RBM6: variants seen among roughly 807,000 people sequenced by gnomAD.
The protein encoded by RBM6 is RNA binding motif protein 6, also known as RNA-binding protein 6.
RBM6 carries 23 observed loss-of-function variants against 140.4 expected under a neutral mutation model. The ratio of observed to expected loss-of-function variants is 0.16; its 90% CI spans 0.12 to 0.23. RBM6 has a LOEUF of 0.23. Ranked by LOEUF, RBM6 falls within the 10% of genes least tolerant of loss-of-function variation. The probability of loss-of-function intolerance (pLI) is 1.00; values close to 1 mark genes in which losing one functional copy is unlikely to be tolerated. For synonymous variants in RBM6, 439 were observed against 475.6 expected (o/e 0.92, Z 1.00); for missense variants, 1,139 against 1,386.7 (o/e 0.82, Z 2.84).
rs2023953 is a variant in RBM6, at chr3:50,066,484, G to A, written c.2925G>A (p.Gln975=). The change falls in exon 17 of 21, where the codon CAG becomes CAA. Residue 975 remains glutamine (Q), a synonymous_variant. Coordinates refer to ENST00000266022, the MANE Select transcript of RBM6 (RefSeq NM_005777.3). ...AAGAAGTTCTGATCAAACACCAGCA[G>A]CTGTCAGACCTGCACAAGGTATTAG... is the stretch of plus-strand genomic sequence containing the variant. ...PNKEVLIKHQ[Q]LSDLHKQNLE... is the part of the protein sequence containing the mutation. 0.1 allele frequency: 162,336 copies of A among 1,613,370 alleles called. 8,518 individuals are homozygous for A. The highest frequency in any genetic ancestry group is 0.12 in the Admixed American group (7,292 of 60,014).
intron 6 of RBM6, among the ~76,000 whole-genome samples, chr3:50,042,078 G>GA: frequency 6.6e-6 from 1 of 152,146 alleles, no homozygotes; most frequent in East Asian, 1.9e-4. Context: ...ATATTGTGAA[G>GA]AATGCCTTTG....
rs771658459 is a variant in RBM6, at chr3:50,057,759, C to T, written c.1725C>T (p.Tyr575=). 6.2e-7 allele frequency: 1 copy of T among 1,612,650 alleles called. No homozygotes were observed. Among genetic ancestry groups the T allele is most frequent in the Non-Finnish European group, 8.5e-7 (1 of 1,179,754 alleles). ...AGGCCAAGCAAGAATTAATAACCTA[C>T]CCTCAGCCTCAGAAAACATCCATAC... ...VTEAKQELIT[Y]PQPQKTSIPA... The change falls in exon 9 of 21, where the codon TAC becomes TAT. Residue 575 remains tyrosine, a synonymous_variant. Transcript: ENST00000266022.
chr3:50,069,216 A>G (rs1046422610), intron 18 of RBM6, among the ~76,000 whole-genome samples: 2 of 152,186 alleles, frequency 1.3e-5, no homozygotes, highest in Non-Finnish European at 2.9e-5. Flanking sequence ...CATGATGGTT[A>G]AGAACCCACC....
At chr3:50,076,871 A>G in intron 20 of RBM6, 137 bp from the exon 21 acceptor site, 1 of 806,264 alleles carries the variant, frequency 1.2e-6, no homozygotes, top group Non-Finnish European at 1.8e-6. Flanking sequence ...GCGACAGAGC[A>G]TGACTCCATC....
At chr3:49,942,140 AT>A (rs1415592060) in intron 1 of RBM6, among the ~76,000 whole-genome samples, 1 of 151,382 alleles carries the variant, frequency 6.6e-6, no homozygotes, top group Non-Finnish European at 1.5e-5. Context: ...GTAAATATAT[AT>A]TTTTATGTAT....
intron 6 of RBM6, among the ~76,000 whole-genome samples, chr3:50,005,843 A>G (rs1444246668): frequency 6.6e-6 from 1 of 152,104 alleles, no homozygotes; most frequent in Non-Finnish European, 1.5e-5. Context: ...TTTCCTTATC[A>G]CCCTCAGAAG....
chr3:49,982,605 A>G (rs1290837484), intron 5 of RBM6, among the ~76,000 whole-genome samples: 1 of 151,094 alleles, frequency 6.6e-6, no homozygotes, highest in Non-Finnish European at 1.5e-5. Context: ...TTTAGTAGAG[A>G]CGGGGTTTCA....
chr3:49,996,712 T>C (rs984373005), intron 5 of RBM6, among the ~76,000 whole-genome samples: 3 of 152,228 alleles, frequency 2.0e-5, no homozygotes, highest in Non-Finnish European at 4.4e-5. Context: ...AAATTGAATA[T>C]TTCTTAACTA....
intron 7 of RBM6, among the ~76,000 whole-genome samples, chr3:50,052,343 G>A (rs2089504071): frequency 6.6e-6 from 1 of 152,176 alleles, no homozygotes; most frequent in Admixed American, 6.5e-5. Flanking sequence ...GGGATTACTG[G>A]CATGAGCCAT....
intron 3 of RBM6, 31 bp downstream of exon 3, chr3:49,968,779 T>TA: frequency 2.2e-6 from 2 of 902,404 alleles, no homozygotes; most frequent in Non-Finnish European, 3.1e-6. Flanking sequence ...GCTTTTTTTT[T>TA]TTTTTTTTTT....
At chr3:50,041,398 ACTTT>A (rs1282986084) in intron 6 of RBM6, among the ~76,000 whole-genome samples, 2 of 152,160 alleles carry the variant, frequency 1.3e-5, no homozygotes, top group Admixed American at 6.6e-5. Flanking sequence ...TAGCCACTGT[ACTTT>A]CTTTCTTCCT....
chr3:50,045,080 CAT>C (rs2089155019), intron 6 of RBM6, among the ~76,000 whole-genome samples: 1 of 152,160 alleles, frequency 6.6e-6, no homozygotes, highest in Non-Finnish European at 1.5e-5. Context: ...TTTTGTAACA[CAT>C]GAGGTAAAAG....
intron 1 of RBM6, among the ~76,000 whole-genome samples, chr3:49,955,787 G>A (rs1431900304): frequency 6.6e-6 from 1 of 151,526 alleles, no homozygotes; most frequent in Admixed American, 6.6e-5. Context: ...TGGTTGCAGT[G>A]AGCCATTGCA....
intron 11 of RBM6, 140 bp from the exon 12 acceptor site, chr3:50,060,816 C>G (rs555782734): frequency 3.0e-6 from 2 of 677,358 alleles, no homozygotes; most frequent in African/African-American, 3.7e-5. Flanking sequence ...TCTGGACCAC[C>G]CAACCTGCTT....
At chr3:50,044,360 A>G (rs1035663452) in intron 6 of RBM6, among the ~76,000 whole-genome samples, 1 of 152,014 alleles carries the variant, frequency 6.6e-6, no homozygotes, top group Non-Finnish European at 1.5e-5. Flanking sequence ...GCTGGGGCTC[A>G]TGCCTGTAAT....
At chr3:49,990,038 C>T (rs1201484052) in intron 5 of RBM6, among the ~76,000 whole-genome samples, 1 of 152,160 alleles carries the variant, frequency 6.6e-6, no homozygotes, top group Non-Finnish European at 1.5e-5. Flanking sequence ...TGAGCCACTG[C>T]ACCTGGCCTT....
chr3:50,046,234 T>C lies in RBM6; in HGVS notation c.1558-2011T>C, dbSNP rs150155617. 8.7e-3 allele frequency among the ~76,000 whole-genome samples: 1,250 copies of C among 144,306 alleles called. 13 individuals carry two copies. Among genetic ancestry groups the C allele is most frequent in the Non-Finnish European group, 0.01 (674 of 66,590 alleles). 94.7% of individuals were successfully genotyped at this position (144,306 alleles called of 152,430 possible). A position where few individuals can be genotyped will look rare whatever the true frequency, so the allele number is the denominator to read the frequency against. On this transcript the variant is annotated intron_variant, in intron 6 of 20. Transcript: ENST00000266022. ...AGGCGGAGGTTGTGGTGAGCCGAGA[T>C]CGTGCCACTGTACTTGAGAGTGAGT...
At chr3:50,037,634 T>C (rs1268537783) in intron 6 of RBM6, among the ~76,000 whole-genome samples, 1 of 152,020 alleles carries the variant, frequency 6.6e-6, no homozygotes, top group East Asian at 1.9e-4. Flanking sequence ...AGAAATAATG[T>C]CTCTTTTTAT....
Position 50,077,011 on chromosome 3 carries a change from G to A in RBM6, c.3250G>A (p.Glu1084Lys), listed in dbSNP as rs1476118469. ...HPGLASSEEA[E>K]GRMRGPSVGA... ...ATAGTTTGTCTTTGTTTTACAGGCT[G>A]AAGGCCGGATGAGGGGCCCCAGTGT... Residue 1084 changes from glutamate to lysine, a missense_variant, in exon 21 of 21, where the codon GAA becomes AAA. This residue lies in a region of RBM6 where 125 missense variants were observed against 142.0 expected (regional missense o/e 0.88). Transcript: ENST00000266022. The A allele has an allele frequency of 6.2e-7, 1 of 1,609,840 alleles. No homozygotes were observed. The highest frequency in any genetic ancestry group is 1.3e-5 in the African/African-American group (1 of 74,832).
Sources: gnomAD v4.1 joint callset for allele counts (sites outside exome capture counted in the v4.1 genomes callset) on GRCh38, gnomAD v4.1.1 for gene constraint, gnomAD v4.1.1 regional missense constraint, MANE v1.5 for transcripts, NCBI Gene and HGNC (gene_info 2026-07-23, HGNC 2026-07-21) for gene names.